NCK2: variants seen among roughly 807,000 people sequenced by gnomAD.
The protein encoded by NCK2 is cytoplasmic protein NCK2.
In NCK2, 16 loss-of-function variants were observed where a neutral mutation model predicts 33.9. The observed-to-expected ratio is 0.47, with a 90% CI of 0.32 to 0.72. NCK2 has a LOEUF of 0.72. NCK2 is among the 30% of genes least tolerant of loss of function. The pLI, the probability that NCK2 is intolerant of heterozygous loss-of-function variation, is 0.03. For missense variants in NCK2, 418 were observed against 537.3 expected, an observed-to-expected ratio of 0.78 and a Z score of 2.19; for synonymous variants, 273 against 239.9, an observed-to-expected ratio of 1.14 and a Z score of -1.27.
intron 1 of NCK2, among the ~76,000 whole-genome samples, chr2:105,755,306 G>T (rs868141268): frequency 1.3e-5 from 2 of 152,156 alleles, no homozygotes; most frequent in Non-Finnish European, 2.9e-5. Context: ...GTCAGACATC[G>T]TGCTGTTGTG....
At chr2:105,762,295 AG>A (rs150164135) in intron 1 of NCK2, among the ~76,000 whole-genome samples, 2,867 of 152,214 alleles carry the variant, frequency 0.019, 50 homozygotes, top group Non-Finnish European at 0.022. Context: ...GCATCAAACC[AG>A]GGGGGGTCTA....
At position 105,893,152 on chromosome 2, in the gene NCK2, C is replaced by A; in HGVS notation, c.1119C>A (p.Leu373=). The A allele has an allele frequency of 6.2e-7, 1 of 1,606,968 alleles. No homozygotes were observed. The highest frequency in any genetic ancestry group is 2.2e-5 in the East Asian group (1 of 44,496). Residue 373 remains leucine (L), a synonymous_variant, in exon 5 of 5, where the codon CTC becomes CTA. Transcript: ENST00000233154. ...PIFTSEHGEK[L]YLVRALQ ...TCACCAGCGAGCACGGGGAGAAGCT[C>A]TACCTCGTCAGGGCCCTGCAGTGAC...
intron 3 of NCK2, among the ~76,000 whole-genome samples, chr2:105,861,564 G>T (rs1483410078): frequency 6.7e-6 from 1 of 148,790 alleles, no homozygotes; most frequent in East Asian, 2.0e-4. Context: ...ACCTAGGCTG[G>T]AGTGCAGTGG....
At chr2:105,792,968 C>T (rs1349195785) in intron 1 of NCK2, among the ~76,000 whole-genome samples, 2 of 152,146 alleles carry the variant, frequency 1.3e-5, no homozygotes, top group African/African-American at 4.8e-5. Flanking sequence ...GAGTCTTTCC[C>T]TTTCTCACCA....
intron 2 of NCK2, among the ~76,000 whole-genome samples, chr2:105,818,432 A>T (rs1032149326): frequency 1.3e-5 from 2 of 151,550 alleles, no homozygotes; most frequent in South Asian, 2.1e-4. Flanking sequence ...GTGTAATAAA[A>T]ATATATATAT....
chr2:105,755,225 G>A (rs1009637194), intron 1 of NCK2, among the ~76,000 whole-genome samples: 2 of 152,086 alleles, frequency 1.3e-5, no homozygotes, highest in East Asian at 1.9e-4. Context: ...TACATGGTTC[G>A]GTAGACAAGA....
In NCK2 at chr2:105,750,010, C is replaced by T. The variant is rs958659256; in HGVS notation, c.-201+4872C>T. Among the ~76,000 whole-genome samples, 8 of 132,420 alleles carry T rather than the reference C, an allele frequency of 6.0e-5. No individual in the cohort carries two copies. The Middle Eastern group carries it at 0.013, about 210-fold the overall frequency. 86.9% of individuals were successfully genotyped at this position (132,420 alleles called of 152,430 possible). A position where few individuals can be genotyped will look rare whatever the true frequency, so the allele number is the denominator to read the frequency against. On this transcript the variant is annotated intron_variant, in intron 1 of 4. Coordinates refer to ENST00000233154, the MANE Select transcript of NCK2 (RefSeq NM_003581.5). ...ACACCACTGCACTCCTGGGTGACAGCGTGAGACCCTGTCTCAAAAGCAAAC... is the reference window on the plus strand; with the variant it reads ...ACACCACTGCACTCCTGGGTGACAGTGTGAGACCCTGTCTCAAAAGCAAAC...
At chr2:105,831,877 T>C (rs1434692308) in intron 2 of NCK2, among the ~76,000 whole-genome samples, 1 of 152,218 alleles carries the variant, frequency 6.6e-6, no homozygotes, top group Non-Finnish European at 1.5e-5. Flanking sequence ...CTATTTGAGG[T>C]CTTTTGTGGT....
intron 1 of NCK2, among the ~76,000 whole-genome samples, chr2:105,801,626 C>T (rs1028079138): frequency 6.6e-6 from 1 of 151,828 alleles, no homozygotes; most frequent in African/African-American, 2.4e-5. Flanking sequence ...GTCTTGCTGC[C>T]TCCTGCTTGG....
chr2:105,883,938 G>A (rs1678612365), intron 4 of NCK2, among the ~76,000 whole-genome samples: 1 of 152,208 alleles, frequency 6.6e-6, no homozygotes, highest in Non-Finnish European at 1.5e-5. Flanking sequence ...CATCGGCTCT[G>A]CACACATAGC....
At chr2:105,878,550 A>G (rs947724551) in intron 3 of NCK2, among the ~76,000 whole-genome samples, 12 of 152,198 alleles carry the variant, frequency 7.9e-5, no homozygotes, top group African/African-American at 2.9e-4. Context: ...CAAGGAACCA[A>G]CCCTGCCCAC....
At chr2:105,754,891 G>T (rs1303151140) in intron 1 of NCK2, among the ~76,000 whole-genome samples, 2 of 152,020 alleles carry the variant, frequency 1.3e-5, no homozygotes, top group Non-Finnish European at 2.9e-5. Flanking sequence ...CTTGGTTGCA[G>T]AATCTAGCAA....
At chr2:105,874,578 G>T (rs530564577) in intron 3 of NCK2, among the ~76,000 whole-genome samples, 18 of 152,258 alleles carry the variant, frequency 1.2e-4, no homozygotes, top group African/African-American at 3.6e-4. Flanking sequence ...TTGCCATAGA[G>T]CCCCCAAAAC....
chr2:105,822,469 A>G (rs951299497), intron 2 of NCK2, among the ~76,000 whole-genome samples: 1 of 152,028 alleles, frequency 6.6e-6, no homozygotes, highest in East Asian at 1.9e-4. Context: ...GGCCATCTCT[A>G]AGGTCCCTGA....
chr2:105,835,406 C>CGTGTATATATATGT (rs1558861988), intron 2 of NCK2, among the ~76,000 whole-genome samples: 14 of 24,254 alleles, frequency 5.8e-4, no homozygotes, highest in African/African-American at 1.7e-3. Flanking sequence ...TATATATATA[C>CGTGTATATATATGT]GTGTATATAT....
intron 1 of NCK2, among the ~76,000 whole-genome samples, chr2:105,785,999 G>A (rs1690668300): frequency 6.6e-6 from 1 of 152,184 alleles, no homozygotes; most frequent in Non-Finnish European, 1.5e-5. Flanking sequence ...GTAAACGTGT[G>A]TGTGTCCACT....
chr2:105,881,896 C>G lies in NCK2; in HGVS notation c.795C>G (p.His265Gln), dbSNP rs377759138. 6.4e-7 allele frequency: 1 copy of G among 1,570,450 alleles called. No homozygotes were observed. Among genetic ancestry groups the G allele is most frequent in the African/African-American group, 1.4e-5 (1 of 73,662 alleles). ...LSDGPALHPA[H>Q]APQISYTGPS... is the part of the protein sequence containing the mutation. Reference sequence around the variant, plus strand: ...ACGGGCCTGCCCTGCACCCTGCGCACGCCCCACAGATAAGCTACACCGGGC... The same window carrying G: ...ACGGGCCTGCCCTGCACCCTGCGCAGGCCCCACAGATAAGCTACACCGGGC... The change falls in exon 4 of 5, where the codon CAC (histidine) becomes CAG (glutamine). Residue 265 changes from histidine (H) to glutamine (Q), a missense_variant. His to Gln is a conservative substitution (Grantham distance 24). Transcript: ENST00000233154.
At chr2:105,844,595 G>C (rs138120731) in intron 2 of NCK2, among the ~76,000 whole-genome samples, 1 of 150,146 alleles carries the variant, frequency 6.7e-6, no homozygotes, top group Non-Finnish European at 1.5e-5. Context: ...AAAAACAGCT[G>C]GGCATGGAGG....
intron 1 of NCK2, among the ~76,000 whole-genome samples, chr2:105,804,207 C>T (rs1257555615): frequency 1.3e-5 from 2 of 152,172 alleles, no homozygotes; most frequent in African/African-American, 4.8e-5. Flanking sequence ...GGCCTGTTTC[C>T]TCACTGCACA....
Sources: gnomAD v4.1 joint callset for allele counts (sites outside exome capture counted in the v4.1 genomes callset) on GRCh38, gnomAD v4.1.1 for gene constraint, MANE v1.5 for transcripts, NCBI Gene and HGNC (gene_info 2026-07-23, HGNC 2026-07-21) for gene names.